The following TRMT11 variants were observed in gnomAD, a reference collection of about 807,000 sequenced individuals.
The protein encoded by TRMT11 is tRNA (guanine(10)-N(2))-methyltransferase TRMT11.
TRMT11 carries 53 observed loss-of-function variants against 62.8 expected under a neutral mutation model. The observed-to-expected ratio is 0.84, with a 90% CI of 0.68 to 1.06. TRMT11 has a LOEUF of 1.06. Ranked by LOEUF, TRMT11 falls within the 50% of genes least tolerant of loss-of-function variation. The probability of loss-of-function intolerance (pLI) is 0.00; values close to 1 mark genes in which losing one functional copy is unlikely to be tolerated. For synonymous variants in TRMT11, 188 were observed against 190.3 expected (o/e 0.99, Z 0.10); for missense variants, 556 against 553.4 (o/e 1.00, Z -0.05).
intron 19 of TRMT11, among the ~76,000 whole-genome samples, chr6:126,115,343 A>G (rs1231529124): frequency 6.6e-6 from 1 of 152,108 alleles, no homozygotes; most frequent in Non-Finnish European, 1.5e-5. Flanking sequence ...TCCCATGTCC[A>G]GGTTGCAGTT....
the TRMT11 span, among the ~76,000 whole-genome samples, chr6:126,222,027 A>C: frequency 2.0e-5 from 3 of 152,316 alleles, no homozygotes; most frequent in East Asian, 1.9e-4. Context: ...TCTTCTGCAT[A>C]TGGCTAGCCA....
the TRMT11 span, among the ~76,000 whole-genome samples, chr6:126,215,987 C>G: frequency 6.6e-6 from 1 of 151,920 alleles, no homozygotes; most frequent in Non-Finnish European, 1.5e-5. Context: ...ATCTTTTAGT[C>G]TTTCTACTCA....
chr6:126,147,985 A>G (rs897740790), intron 21 of TRMT11, among the ~76,000 whole-genome samples: 2 of 152,150 alleles, frequency 1.3e-5, no homozygotes, highest in Admixed American at 1.3e-4. Context: ...ACCATGGCAC[A>G]TGTATACTTA....
intron 12 of TRMT11, among the ~76,000 whole-genome samples, chr6:126,038,021 G>A (rs1466313391): frequency 6.6e-6 from 1 of 151,964 alleles, no homozygotes; most frequent in Non-Finnish European, 1.5e-5. Flanking sequence ...CAGTGTTTCA[G>A]TGTTTCCTGC....
At chr6:126,228,630 G>C in the TRMT11 span, among the ~76,000 whole-genome samples, 2 of 152,162 alleles carry the variant, frequency 1.3e-5, no homozygotes, top group African/African-American at 2.4e-5. Context: ...CCCTCCACAG[G>C]CTGTGAGTCA....
chr6:126,079,217 T>G (rs1777103851), intron 17 of TRMT11, among the ~76,000 whole-genome samples: 1 of 152,172 alleles, frequency 6.6e-6, no homozygotes, highest in Non-Finnish European at 1.5e-5. Flanking sequence ...AGGGGATTTA[T>G]TTTTTTACTG....
chr6:126,046,506 C>T (rs1296403681), intron 16 of TRMT11, among the ~76,000 whole-genome samples: 1 of 152,218 alleles, frequency 6.6e-6, no homozygotes, highest in East Asian at 1.9e-4. Flanking sequence ...TTGTTTCTCC[C>T]TCCACCTTTA....
rs752980987 is a variant in TRMT11, at chr6:126,095,056, CAG to C, written c.*1438-17806_*1438-17805del. On this transcript the variant is annotated intron_variant and NMD_transcript_variant, in intron 17 of 22. Transcript: ENST00000648977. ...CTACATTAAGACGAACTATGAAACT[CAG>C]AGATTATTTCTTCAAGGTCACATTT... Among the ~76,000 whole-genome samples the C allele has an allele frequency of 3.9e-5, 6 of 152,242 alleles. No individual in the cohort carries two copies. In the South Asian group the frequency reaches 8.3e-4, roughly 21 times the overall value.
At chr6:126,079,488 A>G (rs1777110912) in intron 17 of TRMT11, among the ~76,000 whole-genome samples, 1 of 152,182 alleles carries the variant, frequency 6.6e-6, no homozygotes, top group South Asian at 2.1e-4. Context: ...ACATTCCTCT[A>G]GAAAGCCCAC....
intron 2 of TRMT11, 144 bp from the exon 3 acceptor site, chr6:125,995,823 C>T (rs1257941659): frequency 6.5e-6 from 4 of 618,150 alleles, no homozygotes; most frequent in South Asian, 1.9e-5. Context: ...ACTATTGGAA[C>T]GATTTTTATT....
At chr6:126,027,515 A>G (rs1011175736) in intron 12 of TRMT11, among the ~76,000 whole-genome samples, 53 of 152,318 alleles carry the variant, frequency 3.5e-4, no homozygotes, top group African/African-American at 1.3e-3. Flanking sequence ...TTTGTGGTTT[A>G]TTTACTTCAC....
chr6:126,040,869 C>G (rs577015887), downstream of TRMT11, among the ~76,000 whole-genome samples: 1 of 152,168 alleles, frequency 6.6e-6, no homozygotes, highest in South Asian at 2.1e-4. Context: ...GCTCTAATAG[C>G]TGGGAGGAAA....
At chr6:126,159,494 A>G (rs955548915) in intron 21 of TRMT11, among the ~76,000 whole-genome samples, 17 of 152,236 alleles carry the variant, frequency 1.1e-4, no homozygotes, top group African/African-American at 4.1e-4. Flanking sequence ...GCCACAAGAC[A>G]GAAAGAACTT....
At chr6:126,265,399 T>C in the TRMT11 span, among the ~76,000 whole-genome samples, 3 of 152,298 alleles carry the variant, frequency 2.0e-5, no homozygotes, top group East Asian at 5.8e-4. Flanking sequence ...TTGGTTTTAC[T>C]GAAGATACTT....
At position 126,114,532 on chromosome 6, in the gene TRMT11, C is replaced by T. The variant is rs1173101099; in HGVS notation, c.*1527-173C>T. Among the ~76,000 whole-genome samples the T allele has an allele frequency of 2.6e-5, 4 of 152,016 alleles. No individual in the cohort carries two copies. The South Asian group carries it at 6.2e-4, about 24-fold the overall frequency. ...GACTGTGAGCTCCTTGAAGGTGGGA[C>T]CTGTATGTTACTCCTAGAGGCTAAA... On this transcript the variant is annotated intron_variant and NMD_transcript_variant, in intron 18 of 22. Coordinates refer to the TRMT11 transcript ENST00000648977.
At chr6:126,047,463 C>A (rs138404475) in intron 16 of TRMT11, among the ~76,000 whole-genome samples, 1,753 of 152,012 alleles carry the variant, frequency 0.012, 16 homozygotes, top group South Asian at 0.025. Flanking sequence ...CCCTTTACAG[C>A]TCCCCATCCA....
At chr6:126,079,431 A>G (rs749760462) in intron 17 of TRMT11, among the ~76,000 whole-genome samples, 7 of 152,130 alleles carry the variant, frequency 4.6e-5, no homozygotes, top group Non-Finnish European at 1.0e-4. Flanking sequence ...GACAAATAGG[A>G]ATGTTGAAGT....
chr6:126,001,824 A>T (rs556359999), intron 7 of TRMT11, among the ~76,000 whole-genome samples: 2 of 152,186 alleles, frequency 1.3e-5, no homozygotes, highest in African/African-American at 2.4e-5. Flanking sequence ...GTCGACATTC[A>T]TTATTCTACT....
In TRMT11 at chr6:126,039,233, C is replaced by T. The variant is rs144379968; in HGVS notation, c.*397C>T. 377 of 152,840 alleles carry T rather than the reference C, an allele frequency of 2.5e-3. 1 individual carries two copies. Among genetic ancestry groups the T allele is most frequent in the African/African-American group, 8.5e-3 (351 of 41,448 alleles). 9.5% of individuals were successfully genotyped at this position (152,840 alleles called of 1,614,324 possible). A position where few individuals can be genotyped will look rare whatever the true frequency, so the allele number is the denominator to read the frequency against. On this transcript the variant is annotated 3_prime_UTR_variant, in exon 13 of 13. Transcript: ENST00000334379. ...TGTTTATTTGGTTTTTGGTTGTCAT[C>T]GATTTACATTGCCACTAATAAACCA...
Sources: allele counts gnomAD v4.1 joint callset (sites outside exome capture counted in the v4.1 genomes callset), GRCh38; gene constraint gnomAD v4.1.1; transcripts MANE v1.5; gene names NCBI Gene and HGNC (gene_info 2026-07-23, HGNC 2026-07-21).